CLIC5: variants seen among roughly 807,000 people sequenced by gnomAD.
CLIC5 encodes the protein chloride intracellular channel protein 5.
CLIC5 carries 20 observed loss-of-function variants against 24.7 expected under a neutral mutation model. The ratio of observed to expected loss-of-function variants is 0.81; its 90% CI spans 0.57 to 1.18. The LOEUF (loss-of-function observed/expected upper bound fraction) is 1.18, where lower values mean the gene tolerates loss of function less well. Ranked by LOEUF, CLIC5 falls within the 50% of genes most tolerant of loss-of-function variation. The pLI, the probability that CLIC5 is intolerant of heterozygous loss-of-function variation, is 0.00. For synonymous variants in CLIC5, 159 were observed against 135.6 expected, an observed-to-expected ratio of 1.17 and a Z score of -1.20; for missense variants, 341 against 326.1, an observed-to-expected ratio of 1.05 and a Z score of -0.35.
chr6:45,894,140 C>T (rs1015254624), downstream of CLIC5, among the ~76,000 whole-genome samples: 2 of 152,160 alleles, frequency 1.3e-5, no homozygotes, highest in Admixed American at 6.5e-5. Flanking sequence ...AATAAAGAGA[C>T]AACCATGAGG....
chr6:46,030,936 C>T (rs931066211), intron 1 of CLIC5, among the ~76,000 whole-genome samples: 34 of 152,090 alleles, frequency 2.2e-4, no homozygotes, highest in South Asian at 1.2e-3. Flanking sequence ...CTTCTTGCAG[C>T]GAAATTCTCA....
chr6:45,958,422 T>TTATATATATATA (rs35922936), intron 1 of CLIC5, among the ~76,000 whole-genome samples: 4 of 8,372 alleles, frequency 4.8e-4, no homozygotes, highest in Non-Finnish European at 1.2e-3. Context: ...AAAAAGACAA[T>TTATATATATATA]TATATATATA....
At chr6:45,973,115 C>A (rs998376343) in intron 1 of CLIC5, among the ~76,000 whole-genome samples, 8 of 152,180 alleles carry the variant, frequency 5.3e-5, no homozygotes, top group Non-Finnish European at 1.2e-4. Flanking sequence ...CTGTTAGAAG[C>A]CAACCAAACC....
intron 6 of CLIC5, among the ~76,000 whole-genome samples, chr6:45,881,428 T>A (rs558177451): frequency 6.6e-6 from 1 of 152,076 alleles, no homozygotes. Flanking sequence ...TTGCAGTGCA[T>A]CTCAGCTGAA....
intron 1 of CLIC5, among the ~76,000 whole-genome samples, chr6:45,985,488 G>T (rs1765703099): frequency 6.6e-6 from 1 of 152,094 alleles, no homozygotes; most frequent in African/African-American, 2.4e-5. Flanking sequence ...GCTCGATGCA[G>T]TGCAACAGTG....
intron 1 of CLIC5, among the ~76,000 whole-genome samples, chr6:45,969,689 C>T (rs1013206742): frequency 6.6e-6 from 1 of 152,030 alleles, no homozygotes; most frequent in African/African-American, 2.4e-5. Context: ...TCCTGCTAAC[C>T]CTTGCTTATC....
rs1391986172 is a variant in CLIC5 at position 45,902,924 on chromosome 6, C to T, written c.*164G>A. On this transcript the variant is annotated 3_prime_UTR_variant, in exon 6 of 6. Coordinates refer to ENST00000339561, the MANE Select transcript of CLIC5 (RefSeq NM_016929.5). ...GTGAGGAGGCCAGGGATGGTGCTGA[C>T]CTTCATGAAAGATAGCAGGCTGGAG... 1 of 714,350 alleles carries T rather than the reference C, an allele frequency of 1.4e-6. No homozygotes were observed. Among genetic ancestry groups the T allele is most frequent in the East Asian group, 2.6e-5 (1 of 38,196 alleles). The allele number at this position is 714,350 out of a possible 1,614,324, so 44.3% of individuals were successfully genotyped here.
At chr6:45,913,835 T>C (rs1030952150) in intron 5 of CLIC5, 18 of 1,230,606 alleles carry the variant, frequency 1.5e-5, no homozygotes, top group Non-Finnish European at 1.7e-5. Flanking sequence ...AAAAAATGCA[T>C]ATGAGGGCAC....
intron 1 of CLIC5, among the ~76,000 whole-genome samples, chr6:46,035,696 C>T (rs1365783525): frequency 1.3e-5 from 2 of 152,166 alleles, no homozygotes; most frequent in African/African-American, 4.8e-5. Context: ...GGACACTGAG[C>T]AGACCCAGGG....
At chr6:46,048,788 G>A (rs1036215960) in intron 1 of CLIC5, among the ~76,000 whole-genome samples, 2 of 152,162 alleles carry the variant, frequency 1.3e-5, no homozygotes, top group African/African-American at 4.8e-5. Context: ...GTCTCCCGGG[G>A]GAAGAATGGG....
chr6:46,081,361 T>C (rs534376269), upstream of CLIC5, among the ~76,000 whole-genome samples: 351 of 152,318 alleles, frequency 2.3e-3, 1 homozygote, highest in Middle Eastern at 0.01. Flanking sequence ...CTAGAAATCA[T>C]GTGAAAACTG....
At chr6:46,116,247 G>A in the CLIC5 span, among the ~76,000 whole-genome samples, 3 of 152,054 alleles carry the variant, frequency 2.0e-5, no homozygotes, top group Non-Finnish European at 4.4e-5. Context: ...AGATGTATTT[G>A]TTTTTTTCTG....
chr6:45,902,671 G>A lies in CLIC5; in HGVS notation c.*417C>T, dbSNP rs187322969. 5 of 175,056 alleles carry A rather than the reference G, an allele frequency of 2.9e-5. No homozygotes were observed. The highest frequency in any genetic ancestry group is 2.2e-4 in the Admixed American group (4 of 18,424). The allele number at this position is 175,056 out of a possible 1,614,324, so 10.8% of individuals were successfully genotyped here. ...ATCTCTTTCTAAGAAGGATGAAGAT[G>A]GCGTTTGTCCTTGGCCTTGTAGGTA... On this transcript the variant is annotated 3_prime_UTR_variant, in exon 6 of 6. Coordinates refer to ENST00000339561, the MANE Select transcript of CLIC5 (RefSeq NM_016929.5).
chr6:46,015,990 C>T (rs1285033471), upstream of CLIC5: 3 of 751,034 alleles, frequency 4.0e-6, no homozygotes, highest in East Asian at 3.9e-4. Context: ...CCCAAGACCC[C>T]GCAGGGCAGG....
chr6:46,034,048 T>C (rs983203594), intron 1 of CLIC5, among the ~76,000 whole-genome samples: 3 of 152,242 alleles, frequency 2.0e-5, no homozygotes, highest in Admixed American at 2.0e-4. Flanking sequence ...AAAGCTACTA[T>C]TGGAAATGAT....
chr6:45,990,494 C>A (rs569194674), intron 1 of CLIC5, among the ~76,000 whole-genome samples: 1 of 152,336 alleles, frequency 6.6e-6, no homozygotes, highest in Non-Finnish European at 1.5e-5. Flanking sequence ...TCACATCTCA[C>A]TCCCATCAAC....
At chr6:46,086,522 G>T in the CLIC5 span, among the ~76,000 whole-genome samples, 1 of 152,182 alleles carries the variant, frequency 6.6e-6, no homozygotes, top group African/African-American at 2.4e-5. Flanking sequence ...GGAGTGTGTG[G>T]ATTGTGGGAA....
At chr6:45,963,262 G>A (rs550196547) in intron 1 of CLIC5, among the ~76,000 whole-genome samples, 12 of 151,916 alleles carry the variant, frequency 7.9e-5, no homozygotes, top group African/African-American at 2.4e-4. Context: ...TTAAAGCTCA[G>A]CCATCTGCAG....
At chr6:46,015,125 C>G (rs1306660436) in intron 1 of CLIC5, among the ~76,000 whole-genome samples, 3 of 152,216 alleles carry the variant, frequency 2.0e-5, no homozygotes, top group Non-Finnish European at 4.4e-5. Flanking sequence ...GTTCACGGGT[C>G]CAGCCAGGTT....
Sources: allele counts gnomAD v4.1 joint callset (sites outside exome capture counted in the v4.1 genomes callset), GRCh38; gene constraint gnomAD v4.1.1; transcripts MANE v1.5; gene names NCBI Gene and HGNC (gene_info 2026-07-23, HGNC 2026-07-21).